DALRD3: variants seen among roughly 807,000 people sequenced by gnomAD.
The protein encoded by DALRD3 is DALR anticodon-binding domain-containing protein 3.
Under a neutral mutation model 56.7 loss-of-function variants are expected in DALRD3, and 47 were observed. The ratio of observed to expected loss-of-function variants is 0.83; its 90% CI spans 0.66 to 1.06. DALRD3 has a LOEUF of 1.06. Ranked by LOEUF, DALRD3 falls within the 50% of genes least tolerant of loss-of-function variation. The pLI is 0.00. For missense variants in DALRD3, 787 were observed against 724.0 expected, an observed-to-expected ratio of 1.09 and a Z score of -1.00; for synonymous variants, 347 against 308.5, an observed-to-expected ratio of 1.12 and a Z score of -1.31.
chr3:49,020,277 T>C (rs1482812020), upstream of DALRD3: 2 of 526,448 alleles, frequency 3.8e-6, no homozygotes, highest in African/African-American at 3.9e-5. Context: ...CTTAGCAGGG[T>C]TGGGAACCCT....
At position 49,017,345 on chromosome 3, in the gene DALRD3, T is replaced by C; in HGVS notation, c.810A>G (p.Ser270=). 1 of 1,614,228 alleles carries C rather than the reference T, an allele frequency of 6.2e-7. No homozygotes were observed. Among genetic ancestry groups the C allele is most frequent in the African/African-American group, 1.3e-5 (1 of 75,066 alleles). ...EDSHPGLAGA[S]DTGTGGCLVV... ...CCAGGCAGCCGCCTGTACCAGTATC[T>C]GAGGCCCCAGCCTAAGGGAGGACAA... The change falls in exon 5 of 12, where the codon TCA becomes TCG. Residue 270 remains serine (S), a synonymous_variant. Transcript: ENST00000341949.
At chr3:49,018,651 G>A, upstream of DALRD3, 3 of 1,444,998 alleles carry the variant, frequency 2.1e-6, no homozygotes, top group Admixed American at 2.8e-5. Flanking sequence ...GCGGGGATGC[G>A]GCGGTGGTCC....
rs997667673 is a variant in DALRD3, at chr3:49,018,551, C to G, written c.14G>C (p.Arg5Pro). The G allele has an allele frequency of 7.0e-6, 11 of 1,574,492 alleles. No individual in the cohort carries two copies. Among genetic ancestry groups the G allele is most frequent in the Non-Finnish European group, 8.6e-6 (10 of 1,161,742 alleles). The stretch of plus-strand genomic sequence containing the variant: ...CCCCAGCGTCTCCCCGACCCCAAGG[C>G]GCCTGGTCGCCATGGTGACCGGAAG... MATR[R>P]LGVGETLGAL... Residue 5 changes from arginine to proline, a missense_variant, in exon 1 of 12, where the codon CGC becomes CCC. Physicochemically the swap from Arg to Pro is moderately radical, Grantham distance 103 (BLOSUM62 -2). Coordinates refer to ENST00000341949, the MANE Select transcript of DALRD3 (RefSeq NM_001009996.3).
Position 49,016,225 on chromosome 3 carries a change from A to G in DALRD3, c.1262T>C (p.Met421Thr). Reference protein sequence around the residue: ...ATLFESYKCSMEQGLYPTFPP... With the variant: ...ATLFESYKCSTEQGLYPTFPP... Reference sequence around the variant, plus strand: ...AAAAGTGGGGTACAGACCTTGTTCCATACTACACTTGTAACTCTCAAAGAG... The same window carrying G: ...AAAAGTGGGGTACAGACCTTGTTCCGTACTACACTTGTAACTCTCAAAGAG... The change falls in exon 9 of 12, where the codon ATG becomes ACG. Residue 421 changes from methionine (M) to threonine (T), a missense_variant. By Grantham distance (81) the Met-to-Thr change is moderately conservative (BLOSUM62 -1). Coordinates refer to ENST00000341949, the MANE Select transcript of DALRD3 (RefSeq NM_001009996.3). 6.2e-7 allele frequency: 1 copy of G among 1,614,202 alleles called. No homozygotes were observed. Among genetic ancestry groups the G allele is most frequent in the Non-Finnish European group, 8.5e-7 (1 of 1,180,032 alleles).
rs377747202 is a variant in DALRD3 at position 49,018,558 on chromosome 3, T to G, written c.7A>C (p.Thr3Pro). Residue 3 changes from threonine (T) to proline (P), a missense_variant, in exon 1 of 12, where the codon ACC (threonine) becomes CCC (proline). Transcript: ENST00000341949. MA[T>P]RRLGVGETLG... ...GTCTCCCCGACCCCAAGGCGCCTGG[T>G]CGCCATGGTGACCGGAAGGAGTAAG... 6.4e-7 allele frequency: 1 copy of G among 1,572,408 alleles called. No individual in the cohort carries two copies. Among genetic ancestry groups the G allele is most frequent in the African/African-American group, 1.4e-5 (1 of 73,038 alleles).
intron 2 of DALRD3, 49 bp downstream of exon 2, chr3:49,017,974 G>A: frequency 2.0e-6 from 3 of 1,489,246 alleles, no homozygotes; most frequent in South Asian, 1.3e-5. Flanking sequence ...CGCTTTCTAG[G>A]TACCCGGCAG....
chr3:49,017,958 G>A (rs2093109800), intron 2 of DALRD3, 65 bp downstream of exon 2: 1 of 1,502,478 alleles, frequency 6.7e-7, no homozygotes, highest in Non-Finnish European at 8.8e-7. Context: ...CACGGGCGGC[G>A]CCGCTCGCTT....
intron 4 of DALRD3, 39 bp from the exon 5 acceptor site, chr3:49,017,395 C>G (rs758729573): frequency 5.6e-6 from 9 of 1,614,180 alleles, no homozygotes; most frequent in Non-Finnish European, 7.6e-6. Flanking sequence ...GTACAGTATA[C>G]TTGGTTTGGG....
chr3:49,020,188 C>CG, upstream of DALRD3: 1 of 534,690 alleles, frequency 1.9e-6, no homozygotes, highest in East Asian at 5.5e-5. Flanking sequence ...GATGGCTTCT[C>CG]GGGTGCCCAC....
rs1427868938 is a variant in DALRD3, at chr3:49,017,519, AAG to A, written c.719-8_719-7del. On this transcript the variant is annotated splice_polypyrimidine_tract_variant and splice_region_variant and intron_variant, in intron 3 of 11. Coordinates refer to ENST00000341949, the MANE Select transcript of DALRD3 (RefSeq NM_001009996.3). ...AGAGAGGAGATCCTCAGTCACTGAA[AAG>A]AGAACAGACAGGTGCTGAGACTGAC... 1.9e-6 allele frequency: 3 copies of A among 1,614,052 alleles called. No homozygotes were observed. The highest frequency in any genetic ancestry group is 1.7e-6 in the Non-Finnish European group (2 of 1,180,036).
Position 49,018,217 on chromosome 3 carries a change from C to T in DALRD3, c.267G>A (p.Leu89=). ...APTPAGLSLQ[L]QRSAVFERVL... ...CGCGCTCGAAGACGGCGGACCGCTG[C>T]AGTTGGAGAGACAGACCCGCGGGGG... Residue 89 remains leucine, a synonymous_variant, in exon 2 of 12, where the codon CTG becomes CTA. Coordinates refer to ENST00000341949, the MANE Select transcript of DALRD3 (RefSeq NM_001009996.3). The T allele has an allele frequency of 6.9e-7, 1 of 1,443,786 alleles. No individual in the cohort carries two copies. Among genetic ancestry groups the T allele is most frequent in the Non-Finnish European group, 9.0e-7 (1 of 1,108,324 alleles). The allele number at this position is 1,443,786 out of a possible 1,614,324, so 89.4% of individuals were successfully genotyped here. A position where few individuals can be genotyped will look rare whatever the true frequency, so the allele number is the denominator to read the frequency against.
At chr3:49,018,587 A>C (rs1297709800), upstream of DALRD3, 12 of 1,525,962 alleles carry the variant, frequency 7.9e-6, no homozygotes, top group Non-Finnish European at 9.7e-6. Flanking sequence ...GAGTAAGCGG[A>C]ACCGGAAAAA....
intron 2 of DALRD3, 58 bp from the exon 3 acceptor site, chr3:49,017,927 C>T: frequency 1.3e-6 from 2 of 1,545,494 alleles, no homozygotes; most frequent in African/African-American, 1.4e-5. Context: ...GCCACGACTT[C>T]CCACCTCCAG....
At chr3:49,019,995 TACTC>T (rs1007487427), upstream of DALRD3, among the ~76,000 whole-genome samples, 2 of 152,296 alleles carry the variant, frequency 1.3e-5, no homozygotes, top group Admixed American at 6.5e-5. Context: ...CACTGTAACT[TACTC>T]ACCCCCCACC....
rs1197490869 is a variant in DALRD3, at chr3:49,017,807, A to T, written c.524T>A (p.Leu175Gln). 6.2e-7 allele frequency: 1 copy of T among 1,612,568 alleles called. No individual in the cohort carries two copies. The highest frequency in any genetic ancestry group is 1.7e-5 in the Admixed American group (1 of 60,006). ...DPHMLTFLQQ[L>Q]RVDWPAASER... is the part of the protein sequence containing the mutation. ...CGAGGCAGCGGGCCAGTCCACCCGC[A>T]GTTGCTGCAGGAAGGTCAGCATGTG... The change falls in exon 3 of 12, where the codon CTG becomes CAG. Residue 175 changes from leucine (L) to glutamine (Q), a missense_variant. Physicochemically the swap from Leu to Gln is moderately radical, Grantham distance 113. Transcript: ENST00000341949.
intron 5 of DALRD3, 111 bp downstream of exon 5, chr3:49,017,117 C>G: frequency 6.7e-7 from 1 of 1,494,976 alleles, no homozygotes; most frequent in Non-Finnish European, 9.2e-7. Context: ...GCAACTCCCC[C>G]AAGGTCAAGT....
rs1324678879 is a variant in DALRD3 at position 49,017,070 on chromosome 3, A to G, written c.927+158T>C. ...GTGTCTACAGACCCCCCTTCCCCAG[A>G]GCCTCTGCACCTGCTGTACATGCCC... On this transcript the variant is annotated intron_variant, in intron 5 of 11. Coordinates refer to ENST00000341949, the MANE Select transcript of DALRD3 (RefSeq NM_001009996.3). The G allele has an allele frequency of 4.7e-6, 5 of 1,074,378 alleles. No individual in the cohort carries two copies. The African/African-American group carries it at 7.9e-5, about 17-fold the overall frequency. The allele number at this position is 1,074,378 out of a possible 1,614,324, so 66.6% of individuals were successfully genotyped here. A position where few individuals can be genotyped will look rare whatever the true frequency, so the allele number is the denominator to read the frequency against.
At position 49,016,658 on chromosome 3, in the gene DALRD3, C is replaced by T. The variant is rs770474292; in HGVS notation, c.1017G>A (p.Gln339=). The T allele has an allele frequency of 4.4e-6, 7 of 1,598,086 alleles. No homozygotes were observed. Among genetic ancestry groups the T allele is most frequent in the Non-Finnish European group, 6.0e-6 (7 of 1,170,690 alleles). ...APEYYEFRHT[Q]VCKASALKHG... ...GCTTCAGTGCTGAGGCCTTGCACAC[C>T]TGGGTATGCCGGAACCTGTGTTTGG... Residue 339 remains glutamine (Q), a synonymous_variant, in exon 7 of 12, where the codon CAG becomes CAA. Transcript: ENST00000341949.
Position 49,016,240 on chromosome 3 carries a change from C to T in DALRD3, c.1247G>A (p.Ser416Asn), listed in dbSNP as rs2093067542. The change falls in exon 9 of 12, where the codon AGT becomes AAT. Residue 416 changes from serine (S) to asparagine (N), a missense_variant. Ser to Asn is a conservative substitution (Grantham distance 46). Transcript: ENST00000341949. ...ACCTTGTTCCATACTACACTTGTAA[C>T]TCTCAAAGAGTGTGGCAAGACGGGC... is the stretch of plus-strand genomic sequence containing the variant. ...NCARLATLFE[S>N]YKCSMEQGLY... 6.2e-7 allele frequency: 1 copy of T among 1,614,142 alleles called. No individual in the cohort carries two copies.
Sources: allele counts gnomAD v4.1 joint callset (sites outside exome capture counted in the v4.1 genomes callset), GRCh38; gene constraint gnomAD v4.1.1; transcripts MANE v1.5; gene names NCBI Gene and HGNC (gene_info 2026-07-23, HGNC 2026-07-21).